Variants in ARL6 observed in about 807,000 individuals in gnomAD.
The protein encoded by ARL6 is ARF like GTPase 6, also known as ADP-ribosylation factor-like protein 6.
Under a neutral mutation model 27.1 loss-of-function variants are expected in ARL6, and 18 were observed. The observed-to-expected ratio is 0.66, with a 90% CI of 0.46 to 0.98. ARL6 has a LOEUF of 0.98. Among genes scored for constraint, ARL6 ranks in the 50% least tolerant of loss-of-function variants. The pLI, the probability that ARL6 is intolerant of heterozygous loss-of-function variation, is 0.00. For missense variants in ARL6, 187 were observed against 214.9 expected, an observed-to-expected ratio of 0.87 and a Z score of 0.81; for synonymous variants, 65 against 72.3, an observed-to-expected ratio of 0.90 and a Z score of 0.51.
At chr3:97,796,437 A>G (rs2038007408) in intron 7 of ARL6, among the ~76,000 whole-genome samples, 1 of 152,118 alleles carries the variant, frequency 6.6e-6, no homozygotes, top group Non-Finnish European at 1.5e-5. Context: ...AAAGTAGAGC[A>G]GAAAGACAAA....
chr3:97,792,554 T>C (rs1232340533), intron 7 of ARL6, among the ~76,000 whole-genome samples: 1 of 152,178 alleles, frequency 6.6e-6, no homozygotes, highest in Non-Finnish European at 1.5e-5. Context: ...ATACACAACT[T>C]GTAATATTCA....
intron 2 of ARL6, among the ~76,000 whole-genome samples, chr3:97,776,726 G>A (rs902541276): frequency 6.6e-6 from 1 of 151,596 alleles, no homozygotes; most frequent in Non-Finnish European, 1.5e-5. Flanking sequence ...GCACAATCTT[G>A]GCTCATTGCA....
At position 97,800,151 on chromosome 3, in the gene ARL6, TAG is replaced by T. The variant is rs1439888382; in HGVS notation, c.*2104_*2105del. 6.6e-6 allele frequency: 1 copy of T among 152,140 alleles called. No homozygotes were observed. The highest frequency in any genetic ancestry group is 2.4e-5 in the African/African-American group (1 of 41,454). 9.4% of individuals were successfully genotyped at this position (152,140 alleles called of 1,614,324 possible). ...AGTAGCTCATACCTATGCAAATATT[TAG>T]AAGAAGGAGAAGTACCCTTTTTCTT... On this transcript the variant is annotated 3_prime_UTR_variant, in exon 8 of 8. Coordinates refer to ENST00000463745, the MANE Select transcript of ARL6 (RefSeq NM_001278293.3).
Position 97,790,891 on chromosome 3 carries a change from CAG to C in ARL6, c.480-878_480-877del, listed in dbSNP as rs1010746656. On this transcript the variant is annotated intron_variant, in intron 6 of 7. Coordinates refer to ENST00000463745, the MANE Select transcript of ARL6 (RefSeq NM_001278293.3). The stretch of plus-strand genomic sequence containing the variant: ...CACACTAAAAGGAACCCTAATCATT[CAG>C]AAACTCTAATCATATATATTAATTG... 3.6e-4 allele frequency among the ~76,000 whole-genome samples: 55 copies of C among 152,152 alleles called. 1 individual carries two copies. The highest frequency in any genetic ancestry group is 1.3e-3 in the African/African-American group (53 of 41,564).
intron 4 of ARL6, among the ~76,000 whole-genome samples, chr3:97,781,867 A>G (rs2037216893): frequency 6.6e-6 from 1 of 152,066 alleles, no homozygotes; most frequent in South Asian, 2.1e-4. Flanking sequence ...TTGAAATGGT[A>G]TGTGATATTT....
At chr3:97,783,775 A>C (rs1440354461) in intron 4 of ARL6, among the ~76,000 whole-genome samples, 1 of 151,764 alleles carries the variant, frequency 6.6e-6, no homozygotes, top group African/African-American at 2.4e-5. Context: ...GTGATTCGCA[A>C]AAAAAAGTAC....
chr3:97,787,929 A>G (rs759205296), intron 5 of ARL6, 61 bp from the exon 6 acceptor site: 1 of 1,592,874 alleles, frequency 6.3e-7, no homozygotes, highest in African/African-American at 1.3e-5. Flanking sequence ...AGTACTAAAG[A>G]TTTGCTGCAA....
intron 4 of ARL6, among the ~76,000 whole-genome samples, chr3:97,783,111 G>A (rs1434054431): frequency 6.6e-6 from 1 of 150,762 alleles, no homozygotes; most frequent in Non-Finnish European, 1.5e-5. Flanking sequence ...GTAATAGCAT[G>A]CAAAAATATA....
chr3:97,778,405 A>G (rs2037013024), intron 2 of ARL6, among the ~76,000 whole-genome samples: 1 of 152,176 alleles, frequency 6.6e-6, no homozygotes, highest in African/African-American at 2.4e-5. Context: ...CTACTAGTGC[A>G]TTACCATGCT....
intron 2 of ARL6, among the ~76,000 whole-genome samples, chr3:97,779,048 G>A (rs1417829282): frequency 1.3e-5 from 2 of 152,200 alleles, no homozygotes; most frequent in African/African-American, 4.8e-5. Context: ...TAACAAGTTA[G>A]ATTGTTAGTA....
intron 7 of ARL6, among the ~76,000 whole-genome samples, chr3:97,792,691 A>G (rs554072555): frequency 5.5e-4 from 84 of 152,312 alleles, no homozygotes; most frequent in Non-Finnish European, 9.8e-4. Flanking sequence ...ATTAACATAT[A>G]TCATTTACCC....
chr3:97,766,524 T>C (rs937556687), intron 1 of ARL6: 12 of 152,356 alleles, frequency 7.9e-5, no homozygotes, highest in Middle Eastern at 3.4e-3. Flanking sequence ...GGCATGGCAC[T>C]GTTCCATCTC....
intron 7 of ARL6, 175 bp downstream of exon 7, chr3:97,792,001 C>G: frequency 1.7e-6 from 1 of 596,610 alleles, no homozygotes; most frequent in South Asian, 2.2e-5. Flanking sequence ...TTACTTCTAT[C>G]ACATATTGCT....
intron 2 of ARL6, among the ~76,000 whole-genome samples, chr3:97,778,030 C>T (rs1266454517): frequency 6.6e-6 from 1 of 152,130 alleles, no homozygotes; most frequent in Non-Finnish European, 1.5e-5. Flanking sequence ...TTTTAATATA[C>T]ATTTTTTGAG....
chr3:97,774,789 C>T lies in ARL6; in HGVS notation c.124-5370C>T, dbSNP rs1202221658. Among the ~76,000 whole-genome samples the T allele has an allele frequency of 2.0e-5, 3 of 152,176 alleles. No individual in the cohort carries two copies. The East Asian group carries it at 5.8e-4, about 29-fold the overall frequency. ...CTTTCTCTACAGGAGATAAGACTCT[C>T]ACTCAGGGCAGTCTTAGCAGCTTTG... On this transcript the variant is annotated intron_variant, in intron 2 of 7. Coordinates refer to ENST00000463745, the MANE Select transcript of ARL6 (RefSeq NM_001278293.3).
chr3:97,794,070 C>T (rs1559693753), intron 7 of ARL6, among the ~76,000 whole-genome samples: 1 of 152,034 alleles, frequency 6.6e-6, no homozygotes, highest in Non-Finnish European at 1.5e-5. Flanking sequence ...TAAGTTTACC[C>T]TTTTACCTAA....
At chr3:97,779,239 G>A (rs2037060404) in intron 2 of ARL6, among the ~76,000 whole-genome samples, 1 of 152,014 alleles carries the variant, frequency 6.6e-6, no homozygotes, top group Admixed American at 6.5e-5. Context: ...TTCCTCAGTG[G>A]CAAGTTCCTT....
chr3:97,790,467 C>A (rs1366816897), intron 6 of ARL6, among the ~76,000 whole-genome samples: 1 of 151,878 alleles, frequency 6.6e-6, no homozygotes, highest in Non-Finnish European at 1.5e-5. Context: ...AAGATTTTCG[C>A]TTTATTCTTA....
chr3:97,791,287 C>A (rs1274496372), intron 6 of ARL6: 1 of 156,282 alleles, frequency 6.4e-6, no homozygotes, highest in Non-Finnish European at 1.4e-5. Flanking sequence ...TGATTGAGAT[C>A]TACCGACTTT....
Sources: gnomAD v4.1 joint callset for allele counts (sites outside exome capture counted in the v4.1 genomes callset) on GRCh38, gnomAD v4.1.1 for gene constraint, MANE v1.5 for transcripts, NCBI Gene and HGNC (gene_info 2026-07-23, HGNC 2026-07-21) for gene names.